The following SKAP1 variants were observed in gnomAD, a reference collection of about 807,000 sequenced individuals.
SKAP1 encodes src kinase associated phosphoprotein 1, also known as src kinase-associated phosphoprotein 1.
Under a neutral mutation model 58.5 loss-of-function variants are expected in SKAP1, and 44 were observed. The ratio of observed to expected loss-of-function variants is 0.75; its 90% CI spans 0.59 to 0.97. The LOEUF (loss-of-function observed/expected upper bound fraction) is 0.97, where lower values mean the gene tolerates loss of function less well. Among genes scored for constraint, SKAP1 ranks in the 50% least tolerant of loss-of-function variants. The pLI, the probability that SKAP1 is intolerant of heterozygous loss-of-function variation, is 0.00. For missense variants in SKAP1, 390 were observed against 435.2 expected (o/e 0.90, Z 0.92); for synonymous variants, 127 against 149.7 (o/e 0.85, Z 1.11).
chr17:48,139,186 AT>A (rs1047416962), intron 11 of SKAP1, among the ~76,000 whole-genome samples: 122 of 144,970 alleles, frequency 8.4e-4, no homozygotes, highest in African/African-American at 9.8e-4. Flanking sequence ...GCCAAAATAA[AT>A]TTTTTTTTTT....
At chr17:48,198,195 C>G (rs1321512318) in intron 4 of SKAP1, among the ~76,000 whole-genome samples, 1 of 152,016 alleles carries the variant, frequency 6.6e-6, no homozygotes, top group Non-Finnish European at 1.5e-5. Flanking sequence ...GTGGCTCACG[C>G]CTGTAATCCT....
chr17:48,431,215 C>T (rs2067913050), upstream of SKAP1, among the ~76,000 whole-genome samples: 1 of 152,108 alleles, frequency 6.6e-6, no homozygotes, highest in Non-Finnish European at 1.5e-5. Context: ...GAGGCTGAAG[C>T]AGGAGGATCA....
intron 4 of SKAP1, among the ~76,000 whole-genome samples, chr17:48,250,926 A>G (rs1372680608): frequency 1.3e-5 from 2 of 152,204 alleles, no homozygotes; most frequent in African/African-American, 4.8e-5. Context: ...AATCATGAAA[A>G]TAAAATAACT....
chr17:48,158,262 C>G (rs2064010864), intron 11 of SKAP1, among the ~76,000 whole-genome samples: 1 of 150,814 alleles, frequency 6.6e-6, no homozygotes, highest in South Asian at 2.1e-4. Flanking sequence ...AGATTCTCCT[C>G]TGGGCCGGTT....
In SKAP1 at chr17:48,133,534, C is replaced by T. The variant is rs2063664597; in HGVS notation, c.*290G>A. The T allele has an allele frequency of 6.6e-6, 1 of 152,250 alleles. No homozygotes were observed. The highest frequency in any genetic ancestry group is 1.9e-4 in the East Asian group (1 of 5,204). 9.4% of individuals were successfully genotyped at this position (152,250 alleles called of 1,614,324 possible). A position where few individuals can be genotyped will look rare whatever the true frequency, so the allele number is the denominator to read the frequency against. ...CCTCCCAAGGTTTCCTTCTCTCTCA[C>T]CTTCTTTGTGAAAAGCTTGTGGAAA... On this transcript the variant is annotated 3_prime_UTR_variant, in exon 13 of 13. Coordinates refer to ENST00000336915, the MANE Select transcript of SKAP1 (RefSeq NM_003726.4).
intron 4 of SKAP1, among the ~76,000 whole-genome samples, chr17:48,213,467 A>G (rs1472156835): frequency 6.6e-6 from 1 of 152,176 alleles, no homozygotes; most frequent in Non-Finnish European, 1.5e-5. Flanking sequence ...TTGGATATGA[A>G]ATGGTCTCTC....
intron 3 of SKAP1, among the ~76,000 whole-genome samples, chr17:48,362,838 A>G (rs2066952924): frequency 6.6e-6 from 1 of 152,226 alleles, no homozygotes; most frequent in Admixed American, 6.5e-5. Flanking sequence ...GAGGTTGGAT[A>G]CAGTGACAAC....
intron 4 of SKAP1, among the ~76,000 whole-genome samples, chr17:48,329,662 G>A (rs552805288): frequency 3.9e-5 from 6 of 152,108 alleles, no homozygotes; most frequent in Middle Eastern, 3.2e-3. Context: ...AGCCGAGATC[G>A]GGCCATTGCA....
chr17:48,171,509 T>C (rs961849617), intron 9 of SKAP1, among the ~76,000 whole-genome samples: 1 of 152,194 alleles, frequency 6.6e-6, no homozygotes, highest in Non-Finnish European at 1.5e-5. Flanking sequence ...GCTCATTACA[T>C]GCAAGACATT....
At chr17:48,341,676 A>G (rs1349454345) in intron 4 of SKAP1, among the ~76,000 whole-genome samples, 1 of 152,154 alleles carries the variant, frequency 6.6e-6, no homozygotes, top group African/African-American at 2.4e-5. Context: ...CAGTCTCTTC[A>G]GTTATTCATT....
chr17:48,374,655 G>A (rs1321348734), intron 2 of SKAP1, among the ~76,000 whole-genome samples: 1 of 152,212 alleles, frequency 6.6e-6, no homozygotes, highest in Admixed American at 6.5e-5. Context: ...GCTTTGCTGA[G>A]CAATGCTAAG....
intron 4 of SKAP1, among the ~76,000 whole-genome samples, chr17:48,284,967 GAAAGA>G (rs1350035351): frequency 6.6e-6 from 1 of 152,172 alleles, no homozygotes; most frequent in Non-Finnish European, 1.5e-5. Flanking sequence ...AAGCCATATT[GAAAGA>G]CATTGAGGTA....
intron 4 of SKAP1, among the ~76,000 whole-genome samples, chr17:48,197,406 A>G (rs1169884658): frequency 6.6e-6 from 1 of 151,994 alleles, no homozygotes; most frequent in Non-Finnish European, 1.5e-5. Flanking sequence ...TCTTGAAGGA[A>G]GAGATTTGGG....
chr17:48,169,331 A>G (rs2064180125), intron 10 of SKAP1, among the ~76,000 whole-genome samples: 1 of 152,230 alleles, frequency 6.6e-6, no homozygotes, highest in Admixed American at 6.5e-5. Flanking sequence ...ACTCCACCCA[A>G]GCTGTCCACA....
intron 4 of SKAP1, among the ~76,000 whole-genome samples, chr17:48,254,320 G>A (rs537971173): frequency 3.3e-5 from 5 of 152,218 alleles, no homozygotes; most frequent in African/African-American, 1.2e-4. Flanking sequence ...CACAAAGCTA[G>A]AATGGAATAT....
chr17:48,426,956 TTTCTA>T, intron 1 of SKAP1, among the ~76,000 whole-genome samples: 1 of 152,178 alleles, frequency 6.6e-6, no homozygotes, highest in East Asian at 1.9e-4. Context: ...CCTCTCTGAG[TTTCTA>T]TTTGTCTTTT....
At position 48,184,789 on chromosome 17, in the gene SKAP1, G is replaced by T; in HGVS notation, c.501C>A (p.His167Gln). ...IKGYGVRMAP[H>Q]LRRDSKKESC... ...ATTCTTTCTTGGAATCTCTTCGCAG[G>T]TGGGGGGCCATCCGTACACCGTAGC... The change falls in exon 7 of 13, where the codon CAC (histidine) becomes CAA (glutamine). Residue 167 changes from histidine to glutamine, a missense_variant. By Grantham distance (24) the His-to-Gln change is conservative. Transcript: ENST00000336915. 1 of 1,614,034 alleles carries T rather than the reference G, an allele frequency of 6.2e-7. No individual in the cohort carries two copies. The highest frequency in any genetic ancestry group is 8.5e-7 in the Non-Finnish European group (1 of 1,179,914).
intron 3 of SKAP1, among the ~76,000 whole-genome samples, chr17:48,361,146 T>G (rs1458910508): frequency 6.6e-6 from 1 of 151,276 alleles, no homozygotes; most frequent in Admixed American, 6.6e-5. Context: ...AACTTGTACC[T>G]TTTAAATGGG....
intron 3 of SKAP1, among the ~76,000 whole-genome samples, chr17:48,363,195 T>G (rs1171774771): frequency 6.6e-6 from 1 of 152,226 alleles, no homozygotes; most frequent in African/African-American, 2.4e-5. Flanking sequence ...CTTTTTAGAA[T>G]CATGCCAGAT....
Sources: allele counts gnomAD v4.1 joint callset (sites outside exome capture counted in the v4.1 genomes callset), GRCh38; gene constraint gnomAD v4.1.1; transcripts MANE v1.5; gene names NCBI Gene and HGNC (gene_info 2026-07-23, HGNC 2026-07-21).